The following ASXL3 variants were observed in gnomAD, a reference collection of about 807,000 sequenced individuals.
ASXL3 encodes putative Polycomb group protein ASXL3.
In ASXL3, 34 loss-of-function variants were observed where a neutral mutation model predicts 170.6. The ratio of observed to expected loss-of-function variants is 0.20; its 90% CI spans 0.15 to 0.27. ASXL3 has a LOEUF of 0.27. Ranked by LOEUF, ASXL3 falls within the 10% of genes least tolerant of loss-of-function variation. ASXL3 has a pLI of 1.00. For synonymous variants in ASXL3, 1,002 were observed against 989.1 expected (o/e 1.01, Z -0.24); for missense variants, 2,592 against 2,695.3 (o/e 0.96, Z 0.85).
intron 7 of ASXL3, among the ~76,000 whole-genome samples, chr18:33,676,041 A>C (rs188683702): frequency 6.6e-6 from 1 of 151,504 alleles, no homozygotes; most frequent in Non-Finnish European, 1.5e-5. Context: ...TGGCTAACAC[A>C]GTGAAACCCC....
chr18:33,618,151 A>G (rs2065456525), intron 2 of ASXL3, among the ~76,000 whole-genome samples: 1 of 152,198 alleles, frequency 6.6e-6, no homozygotes, highest in Non-Finnish European at 1.5e-5. Flanking sequence ...TAAAAGCAAT[A>G]GCACATAATT....
intron 7 of ASXL3, among the ~76,000 whole-genome samples, chr18:33,679,322 C>A (rs2066478305): frequency 6.6e-6 from 1 of 151,992 alleles, no homozygotes. Context: ...ATATTTCAAA[C>A]ATATGGAAAA....
chr18:33,665,519 T>A (rs1283181555), intron 5 of ASXL3, among the ~76,000 whole-genome samples: 1 of 152,196 alleles, frequency 6.6e-6, no homozygotes, highest in Non-Finnish European at 1.5e-5. Flanking sequence ...GCATGTGATA[T>A]TTTCAGATTT....
intron 5 of ASXL3, among the ~76,000 whole-genome samples, chr18:33,667,730 T>G (rs1488185195): frequency 6.6e-6 from 1 of 152,166 alleles, no homozygotes; most frequent in Admixed American, 6.5e-5. Flanking sequence ...ACTTCATCTT[T>G]CTGGCATAAT....
chr18:33,702,418 G>C (rs4799353), intron 8 of ASXL3, among the ~76,000 whole-genome samples: 83,432 of 151,862 alleles, frequency 0.55, 23,344 homozygotes, highest in East Asian at 0.87. Flanking sequence ...AGAGATTTGA[G>C]TGTATTATTT....
At position 33,645,099 on chromosome 18, in the gene ASXL3, G is replaced by A. The variant is rs117041287; in HGVS notation, c.246+97G>A. 8.5e-4 allele frequency: 579 copies of A among 679,082 alleles called. 1 individual carries two copies. Among genetic ancestry groups the A allele is most frequent in the Non-Finnish European group, 1.3e-3 (531 of 413,830 alleles). The allele number at this position is 679,082 out of a possible 1,614,324, so 42.1% of individuals were successfully genotyped here. On this transcript the variant is annotated intron_variant, in intron 3 of 11. Transcript: ENST00000269197. The stretch of plus-strand genomic sequence containing the variant: ...AATTAGATTTGAAGAGTAGAAGAAT[G>A]ACTCCTATGCCTTTAAATGTTTACA...
intron 8 of ASXL3, among the ~76,000 whole-genome samples, chr18:33,712,495 C>T (rs1249311756): frequency 6.6e-6 from 1 of 152,150 alleles, no homozygotes; most frequent in Non-Finnish European, 1.5e-5. Context: ...GTATTTCAGA[C>T]TGCTCTCTTA....
intron 2 of ASXL3, 118 bp from the exon 3 acceptor site, chr18:33,644,776 T>G (rs2065894745): frequency 5.5e-6 from 3 of 549,334 alleles, no homozygotes; most frequent in Admixed American, 3.6e-5. Context: ...TGCAAAGAGG[T>G]CTTTTTTTAA....
At chr18:33,690,231 C>T (rs1271400935) in intron 8 of ASXL3, 1 of 152,132 alleles carries the variant, frequency 6.6e-6, no homozygotes, top group Non-Finnish European at 1.5e-5. Context: ...AGTATACTTT[C>T]TCTGCCCCAG....
chr18:33,748,567 C>G lies in ASXL3; in HGVS notation c.*1972C>G, dbSNP rs536408093. The G allele has an allele frequency of 2.0e-5, 3 of 152,282 alleles. No homozygotes were observed. Among genetic ancestry groups the G allele is most frequent in the South Asian group, 4.1e-4 (2 of 4,828 alleles). 9.4% of individuals were successfully genotyped at this position (152,282 alleles called of 1,614,324 possible). A position where few individuals can be genotyped will look rare whatever the true frequency, so the allele number is the denominator to read the frequency against. ...AACCAGCCTTACCCGAGGAAAGCAG[C>G]ATAAGTTCCAGTGGATCCTTAGTTT... On this transcript the variant is annotated 3_prime_UTR_variant, in exon 12 of 12. Coordinates refer to ENST00000269197, the MANE Select transcript of ASXL3 (RefSeq NM_030632.3).
At chr18:33,632,248 T>A (rs115984521) in intron 2 of ASXL3, among the ~76,000 whole-genome samples, 4,111 of 152,182 alleles carry the variant, frequency 0.027, 205 homozygotes, top group African/African-American at 0.094. Flanking sequence ...CTTATAGGAT[T>A]TTTTTCCTTT....
chr18:33,666,098 G>A (rs1033859353), intron 5 of ASXL3, among the ~76,000 whole-genome samples: 53 of 152,068 alleles, frequency 3.5e-4, no homozygotes, highest in African/African-American at 1.3e-3. Flanking sequence ...ACATATGACC[G>A]GCTTGAAGGT....
At chr18:33,588,775 G>A (rs2065054385) in intron 1 of ASXL3, among the ~76,000 whole-genome samples, 1 of 151,982 alleles carries the variant, frequency 6.6e-6, no homozygotes, top group African/African-American at 2.4e-5. Flanking sequence ...CATTTTCATA[G>A]CAACAATGAA....
At chr18:33,581,543 A>C (rs1303533689) in intron 1 of ASXL3, among the ~76,000 whole-genome samples, 1 of 151,776 alleles carries the variant, frequency 6.6e-6, no homozygotes, top group Non-Finnish European at 1.5e-5. Context: ...GGAAATGCAA[A>C]ATAGATATTT....
intron 2 of ASXL3, among the ~76,000 whole-genome samples, chr18:33,643,789 C>T (rs1169703994): frequency 4.0e-5 from 6 of 151,746 alleles, no homozygotes; most frequent in Non-Finnish European, 8.9e-5. Context: ...TCTGAACTTA[C>T]GAATTCAAAG....
At chr18:33,728,748 T>C (rs2067390961) in intron 8 of ASXL3, among the ~76,000 whole-genome samples, 1 of 152,180 alleles carries the variant, frequency 6.6e-6, no homozygotes, top group South Asian at 2.1e-4. Flanking sequence ...TTTCTTTTGT[T>C]GCCTTTTACT....
At chr18:33,666,144 A>T (rs1453348036) in intron 5 of ASXL3, among the ~76,000 whole-genome samples, 1 of 152,172 alleles carries the variant, frequency 6.6e-6, no homozygotes, top group Non-Finnish European at 1.5e-5. Context: ...TACAGTCACC[A>T]TCTGCTTGTT....
intron 2 of ASXL3, among the ~76,000 whole-genome samples, chr18:33,619,312 G>T (rs1034093132): frequency 6.6e-6 from 1 of 152,046 alleles, no homozygotes; most frequent in African/African-American, 2.4e-5. Flanking sequence ...CTCCCCTACT[G>T]CTGTTGGCAG....
At chr18:33,587,661 A>C (rs1000899654) in intron 1 of ASXL3, among the ~76,000 whole-genome samples, 2 of 152,128 alleles carry the variant, frequency 1.3e-5, no homozygotes, top group Non-Finnish European at 2.9e-5. Flanking sequence ...CTCTCCTGAA[A>C]TCCTTACTAT....
Sources: allele counts gnomAD v4.1 joint callset (sites outside exome capture counted in the v4.1 genomes callset), GRCh38; gene constraint gnomAD v4.1.1; transcripts MANE v1.5; gene names NCBI Gene and HGNC (gene_info 2026-07-23, HGNC 2026-07-21).